The following NYAP2 variants were observed in gnomAD, a reference collection of about 807,000 sequenced individuals.
The protein encoded by NYAP2 is neuronal tyrosine-phosphorylated phosphoinositide-3-kinase adapter 2.
Under a neutral mutation model 50.4 loss-of-function variants are expected in NYAP2, and 23 were observed. That is an observed-to-expected ratio of 0.46 (90% CI 0.33 to 0.65). NYAP2 has a LOEUF of 0.65. Ranked by LOEUF, NYAP2 falls within the 30% of genes least tolerant of loss-of-function variation. The pLI is 0.02. For synonymous variants in NYAP2, 394 were observed against 365.2 expected, an observed-to-expected ratio of 1.08 and a Z score of -0.90; for missense variants, 885 against 861.0, an observed-to-expected ratio of 1.03 and a Z score of -0.35.
downstream of NYAP2, among the ~76,000 whole-genome samples, chr2:225,657,358 C>T (rs527956954): frequency 4.2e-4 from 64 of 151,892 alleles, no homozygotes; most frequent in South Asian, 7.7e-3. Context: ...GATCCACCTG[C>T]CTCAGCCTCC....
intron 3 of NYAP2, among the ~76,000 whole-genome samples, chr2:225,499,822 G>A (rs1462797779): frequency 6.6e-6 from 1 of 152,126 alleles, no homozygotes; most frequent in Non-Finnish European, 1.5e-5. Context: ...GAATGATTTA[G>A]TAAACGAATG....
chr2:225,677,432 G>A, the NYAP2 span, among the ~76,000 whole-genome samples: 1 of 152,048 alleles, frequency 6.6e-6, no homozygotes, highest in African/African-American at 2.4e-5. Context: ...CCCTGGCTAG[G>A]ACTTCCAGTA....
At chr2:225,635,807 C>A (rs1481672945) in intron 6 of NYAP2, among the ~76,000 whole-genome samples, 1 of 152,146 alleles carries the variant, frequency 6.6e-6, no homozygotes, top group Non-Finnish European at 1.5e-5. Context: ...ACACAGTTAT[C>A]AAATAAGTAA....
the NYAP2 span, chr2:225,698,831 A>C: frequency 2.0e-5 from 3 of 151,960 alleles, no homozygotes. Context: ...AATTACAGAA[A>C]TATCAAGAGT....
At chr2:225,433,595 G>A (rs1027668984) in intron 3 of NYAP2, among the ~76,000 whole-genome samples, 4 of 151,846 alleles carry the variant, frequency 2.6e-5, no homozygotes, top group South Asian at 2.1e-4. Context: ...GTAGAGTAGG[G>A]AAGTTCCAAA....
At chr2:225,447,394 TC>T (rs1243101176) in intron 3 of NYAP2, among the ~76,000 whole-genome samples, 1 of 152,160 alleles carries the variant, frequency 6.6e-6, no homozygotes, top group African/African-American at 2.4e-5. Flanking sequence ...GATTTGTTAA[TC>T]CCAAGACATC....
intron 4 of NYAP2, among the ~76,000 whole-genome samples, chr2:225,521,655 G>A (rs1221126381): frequency 6.6e-5 from 10 of 151,284 alleles, no homozygotes; most frequent in African/African-American, 2.2e-4. Flanking sequence ...GCTTTTTGAT[G>A]TGCTGCTGGA....
At chr2:225,409,063 G>C (rs1694988158) in exon 3 of NYAP2, 3 of 1,610,262 alleles carry the variant, frequency 1.9e-6, no homozygotes, top group Non-Finnish European at 2.5e-6. Context: ...TGAAAGAGAA[G>C]AATGAAAAAC....
chr2:225,426,665 G>T (rs1414318372), intron 3 of NYAP2, among the ~76,000 whole-genome samples: 1 of 152,120 alleles, frequency 6.6e-6, no homozygotes, highest in African/African-American at 2.4e-5. Flanking sequence ...AGTATGAAAC[G>T]ATTCTTTTGG....
In NYAP2 at chr2:225,525,857, C is replaced by G. The variant is rs182216528; in HGVS notation, c.523+12185C>G. Among the ~76,000 whole-genome samples the G allele has an allele frequency of 4.6e-5, 7 of 152,300 alleles. No individual in the cohort carries two copies. In the East Asian group the frequency reaches 1.3e-3, roughly 29 times the overall value. On this transcript the variant is annotated intron_variant, in intron 4 of 6. Transcript: ENST00000636099. ...TCTAAGACGGTATTCAAGATTCCCCCACTCCCTGCTGTACTACTTCTGTAT... is the reference window on the plus strand; with the variant it reads ...TCTAAGACGGTATTCAAGATTCCCCGACTCCCTGCTGTACTACTTCTGTAT...
intron 3 of NYAP2, among the ~76,000 whole-genome samples, chr2:225,498,425 T>C (rs1574644791): frequency 6.6e-6 from 1 of 151,926 alleles, no homozygotes; most frequent in Non-Finnish European, 1.5e-5. Context: ...AGAAGAATTA[T>C]GTGAGTGGAT....
chr2:225,459,341 G>T lies in NYAP2; in HGVS notation c.221+50240G>T, dbSNP rs374638052. On this transcript the variant is annotated intron_variant, in intron 3 of 6. Transcript: ENST00000636099. The stretch of plus-strand genomic sequence containing the variant: ...GTTATAGTCAGGATGTCTTGTTGGT[G>T]TTTGTATCCCCCAGTGACTAACATA... 3.9e-5 allele frequency among the ~76,000 whole-genome samples: 6 copies of T among 152,294 alleles called. No individual in the cohort carries two copies. In the East Asian group the frequency reaches 1.2e-3, roughly 29 times the overall value.
intron 3 of NYAP2, among the ~76,000 whole-genome samples, chr2:225,512,835 C>CTTTCTTTCTTTCTTTCTTTCTTTCTT (rs1420137730): frequency 5.1e-5 from 3 of 58,748 alleles, no homozygotes; most frequent in African/African-American, 1.6e-4. Context: ...CTCTCTCTCT[C>CTTTCTTTCTTTCTTTCTTTCTTTCTT]TCTTTCTTTC....
At chr2:225,429,532 T>C (rs1418886406) in intron 3 of NYAP2, among the ~76,000 whole-genome samples, 1 of 152,242 alleles carries the variant, frequency 6.6e-6, no homozygotes, top group Non-Finnish European at 1.5e-5. Context: ...AAATCAATAA[T>C]ATTCAGGTAG....
At chr2:225,627,406 T>G (rs1693229375) in intron 6 of NYAP2, among the ~76,000 whole-genome samples, 1 of 152,222 alleles carries the variant, frequency 6.6e-6, no homozygotes, top group African/African-American at 2.4e-5. Context: ...ACTAAATTTC[T>G]TCAAAAATAT....
At chr2:225,400,634 G>A (rs913782274) in exon 2 of NYAP2, 2 of 152,116 alleles carry the variant, frequency 1.3e-5, no homozygotes, top group Non-Finnish European at 2.9e-5. Context: ...GTAGCAAAGT[G>A]GGTAAAATCA....
intron 4 of NYAP2, among the ~76,000 whole-genome samples, chr2:225,570,736 C>A (rs1172951269): frequency 6.6e-6 from 1 of 152,156 alleles, no homozygotes; most frequent in Non-Finnish European, 1.5e-5. Context: ...CATTCTGCCC[C>A]CTGGCCCCTC....
chr2:225,565,830 C>G (rs1230314329), intron 4 of NYAP2, among the ~76,000 whole-genome samples: 3 of 152,090 alleles, frequency 2.0e-5, no homozygotes, highest in Admixed American at 6.6e-5. Flanking sequence ...GGTTATACAA[C>G]TACTAAATTG....
downstream of NYAP2, among the ~76,000 whole-genome samples, chr2:225,658,949 C>T (rs1693869340): frequency 1.3e-5 from 2 of 152,160 alleles, no homozygotes; most frequent in African/African-American, 4.8e-5. Flanking sequence ...ATTTGTGGGT[C>T]ACTTTTTCAA....
Sources: allele counts gnomAD v4.1 joint callset (sites outside exome capture counted in the v4.1 genomes callset), GRCh38; gene constraint gnomAD v4.1.1; transcripts MANE v1.5; gene names NCBI Gene and HGNC (gene_info 2026-07-23, HGNC 2026-07-21).